DRICH1: variants seen among roughly 807,000 people sequenced by gnomAD.
DRICH1 encodes aspartate-rich protein 1.
A neutral mutation model predicts 39.5 loss-of-function variants in DRICH1; 38 were observed. The ratio of observed to expected loss-of-function variants is 0.96; its 90% CI spans 0.74 to 1.26. DRICH1 has a LOEUF of 1.26. Ranked by LOEUF, DRICH1 falls within the 50% of genes most tolerant of loss-of-function variation. The pLI is 0.00. For missense variants in DRICH1, 279 were observed against 270.4 expected, an observed-to-expected ratio of 1.03 and a Z score of -0.22; for synonymous variants, 84 against 99.5, an observed-to-expected ratio of 0.84 and a Z score of 0.93.
At chr22:23,621,951 A>G in intron 4 of DRICH1, 140 bp downstream of exon 4, 1 of 806,798 alleles carries the variant, frequency 1.2e-6, no homozygotes, top group Non-Finnish European at 2.0e-6. Flanking sequence ...GAAAAGAAAA[A>G]AGAAACAAAG....
At chr22:23,630,192 C>A (rs1928307319) in intron 1 of DRICH1, among the ~76,000 whole-genome samples, 1 of 152,178 alleles carries the variant, frequency 6.6e-6, no homozygotes, top group African/African-American at 2.4e-5. Flanking sequence ...ACCACTGGGG[C>A]CCCATCTGAT....
At chr22:23,600,358 G>A in the DRICH1 span, among the ~76,000 whole-genome samples, 1 of 152,230 alleles carries the variant, frequency 6.6e-6, no homozygotes, top group Non-Finnish European at 1.5e-5. Flanking sequence ...TGAGCTCTGA[G>A]TGTCTGGCTG....
At chr22:23,617,006 A>C in intron 7 of DRICH1, 132 bp from the exon 8 acceptor site, 1 of 1,038,656 alleles carries the variant, frequency 9.6e-7, no homozygotes, top group Non-Finnish European at 1.5e-6. Flanking sequence ...TCAAAGACCA[A>C]ACATTCTAGC....
chr22:23,624,661 TCTACTCCAG>T (rs1195502535), intron 3 of DRICH1, among the ~76,000 whole-genome samples: 3 of 152,154 alleles, frequency 2.0e-5, no homozygotes, highest in African/African-American at 7.2e-5. Context: ...TGCACTCACT[TCTACTCCAG>T]GTGAAGACAC....
At chr22:23,613,604 T>C (rs1334648456) in intron 10 of DRICH1, 35 bp downstream of exon 10, 7 of 1,568,556 alleles carry the variant, frequency 4.5e-6, no homozygotes, top group Non-Finnish European at 6.1e-6. Flanking sequence ...AGCAAGTTTT[T>C]TCCCTCAGGA....
At chr22:23,611,955 G>T (rs891437665) in intron 11 of DRICH1, among the ~76,000 whole-genome samples, 8 of 152,140 alleles carry the variant, frequency 5.3e-5, no homozygotes, top group Admixed American at 3.9e-4. Flanking sequence ...ATAAAACTAA[G>T]AGTCCGTGAG....
the DRICH1 span, among the ~76,000 whole-genome samples, chr22:23,582,921 A>G: frequency 2.3e-4 from 35 of 152,302 alleles, no homozygotes; most frequent in African/African-American, 7.7e-4. Context: ...AAATGTTGTC[A>G]ACCATCATAA....
At chr22:23,619,171 C>CAAAAAAA (rs5844565) in intron 6 of DRICH1, among the ~76,000 whole-genome samples, 193 bp downstream of exon 6, 12 of 84,622 alleles carry the variant, frequency 1.4e-4, no homozygotes, top group East Asian at 3.1e-4. Context: ...GACTCCGTCT[C>CAAAAAAA]AAAAAAAAAA....
intron 6 of DRICH1, among the ~76,000 whole-genome samples, chr22:23,618,104 T>A (rs1020344796): frequency 6.0e-5 from 9 of 150,098 alleles, no homozygotes; most frequent in Non-Finnish European, 1.2e-4. Context: ...ATTCTATTGA[T>A]CACACATTCT....
At chr22:23,590,130 C>T in the DRICH1 span, among the ~76,000 whole-genome samples, 1 of 152,152 alleles carries the variant, frequency 6.6e-6, no homozygotes, top group Admixed American at 6.6e-5. Context: ...GGACGGGAAG[C>T]ACCTTCTGTT....
the DRICH1 span, among the ~76,000 whole-genome samples, chr22:23,582,139 C>T: frequency 6.0e-5 from 9 of 150,458 alleles, no homozygotes; most frequent in Admixed American, 2.0e-4. Context: ...ACCACCATGC[C>T]AGCTAATTTT....
intron 11 of DRICH1, among the ~76,000 whole-genome samples, chr22:23,609,890 G>A (rs1926942367): frequency 2.0e-5 from 3 of 152,144 alleles, no homozygotes; most frequent in Admixed American, 6.5e-5. Context: ...TTCCTTTCTT[G>A]CTTGGACTGA....
chr22:23,597,843 G>C, the DRICH1 span, among the ~76,000 whole-genome samples: 225 of 151,892 alleles, frequency 1.5e-3, no homozygotes, highest in African/African-American at 2.8e-3. Flanking sequence ...CTGTTCCACC[G>C]TCACCTGTGA....
intron 8 of DRICH1, 56 bp downstream of exon 8, chr22:23,616,797 T>C (rs1927374930): frequency 4.4e-6 from 7 of 1,605,576 alleles, no homozygotes; most frequent in Middle Eastern, 1.7e-4. Flanking sequence ...AAGGTTTCCA[T>C]ATATTAAAGC....
chr22:23,602,742 G>C, the DRICH1 span, among the ~76,000 whole-genome samples: 20,317 of 151,978 alleles, frequency 0.13, 1,695 homozygotes, highest in East Asian at 0.25. Flanking sequence ...TATTTCAATT[G>C]TGATAGTTAC....
At chr22:23,598,119 CCTA>C in the DRICH1 span, among the ~76,000 whole-genome samples, 1 of 149,892 alleles carries the variant, frequency 6.7e-6, no homozygotes, top group Non-Finnish European at 1.5e-5. Flanking sequence ...TGGCCCCCAC[CCTA>C]CTCTCACCTC....
chr22:23,581,894 G>A, the DRICH1 span, among the ~76,000 whole-genome samples: 3 of 151,722 alleles, frequency 2.0e-5, no homozygotes, highest in Non-Finnish European at 2.9e-5. Flanking sequence ...GTGAGCCACC[G>A]CGCCTGGCCC....
chr22:23,585,427 A>G, the DRICH1 span, among the ~76,000 whole-genome samples: 1 of 152,208 alleles, frequency 6.6e-6, no homozygotes, highest in Non-Finnish European at 1.5e-5. Flanking sequence ...ATGAGCCACC[A>G]TGCCCGCCTA....
At chr22:23,619,902 C>A (rs1032068241) in intron 5 of DRICH1, among the ~76,000 whole-genome samples, 12 of 151,992 alleles carry the variant, frequency 7.9e-5, no homozygotes, top group Non-Finnish European at 1.5e-5. Flanking sequence ...AGGTGAGGAT[C>A]CATTTCTCCT....
Sources: allele counts gnomAD v4.1 joint callset (sites outside exome capture counted in the v4.1 genomes callset), GRCh38; gene constraint gnomAD v4.1.1; transcripts MANE v1.5; gene names NCBI Gene and HGNC (gene_info 2026-07-23, HGNC 2026-07-21).